Variants in GDA observed in about 807,000 individuals in gnomAD.
GDA encodes the protein guanine deaminase.
A neutral mutation model predicts 59.6 loss-of-function variants in GDA; 18 were observed. The ratio of observed to expected loss-of-function variants is 0.30; its 90% CI spans 0.21 to 0.45. GDA has a LOEUF of 0.45. Among genes scored for constraint, GDA ranks in the 20% least tolerant of loss-of-function variants. The pLI is 1.00. For synonymous variants in GDA, 201 were observed against 201.1 expected (o/e 1.00, Z 0.00); for missense variants, 427 against 552.3 (o/e 0.77, Z 2.27).
At chr9:72,219,576 T>A in intron 6 of GDA, 70 bp downstream of exon 6, 1 of 1,110,314 alleles carries the variant, frequency 9.0e-7, no homozygotes, top group South Asian at 1.3e-5. Context: ...TAAAGTTGCT[T>A]GATAGTGATT....
chr9:72,179,633 G>A (rs1054004774), intron 1 of GDA, among the ~76,000 whole-genome samples: 7 of 152,204 alleles, frequency 4.6e-5, no homozygotes, highest in Non-Finnish European at 8.8e-5. Flanking sequence ...TATAGGGTCT[G>A]TGCTGGTTTC....
chr9:72,168,297 G>A (rs576468793), intron 1 of GDA, among the ~76,000 whole-genome samples: 2 of 152,146 alleles, frequency 1.3e-5, no homozygotes, highest in South Asian at 4.2e-4. Flanking sequence ...CTACGCAGGA[G>A]GCTTAGGTAG....
rs189405464 is a variant in GDA, at chr9:72,182,269, C to A, written c.124-13231C>A. On this transcript the variant is annotated intron_variant, in intron 1 of 13. Coordinates refer to ENST00000358399, the MANE Select transcript of GDA (RefSeq NM_004293.5). ...TTCCCCTCCTCTTATTCAGAATCCA[C>A]TCCAGAACCACAGGCTCCATTTATG... Among the ~76,000 whole-genome samples, 320 of 152,334 alleles carry A rather than the reference C, an allele frequency of 2.1e-3. 2 individuals carry two copies. Among genetic ancestry groups the A allele is most frequent in the Non-Finnish European group, 3.9e-3 (267 of 68,028 alleles).
At chr9:72,193,975 G>A (rs1348011623) in intron 1 of GDA, 1 of 152,278 alleles carries the variant, frequency 6.6e-6, no homozygotes, top group Non-Finnish European at 1.5e-5. Context: ...TTCCCTTAAA[G>A]CCCAAGGATT....
intron 1 of GDA, among the ~76,000 whole-genome samples, chr9:72,134,400 CA>C (rs1826145051): frequency 1.1e-5 from 1 of 92,890 alleles, no homozygotes; most frequent in Non-Finnish European, 2.9e-5. Context: ...CCTCCCCCGC[CA>C]ACTTTTTTTT....
intron 11 of GDA, among the ~76,000 whole-genome samples, chr9:72,241,561 T>C (rs184712282): frequency 2.7e-3 from 414 of 152,282 alleles, no homozygotes; most frequent in African/African-American, 9.3e-3. Flanking sequence ...ATTACATTGG[T>C]TACATGGATA....
intron 1 of GDA, among the ~76,000 whole-genome samples, chr9:72,191,161 TA>T (rs570903526): frequency 6.0e-4 from 91 of 152,324 alleles, no homozygotes; most frequent in African/African-American, 2.0e-3. Context: ...TATTGACAGT[TA>T]AAGACCACAA....
chr9:72,183,353 G>C (rs1460890219), intron 1 of GDA, among the ~76,000 whole-genome samples: 1 of 152,028 alleles, frequency 6.6e-6, no homozygotes, highest in Non-Finnish European at 1.5e-5. Flanking sequence ...TCCAACCCCA[G>C]TTCCCCTGAC....
At chr9:72,255,989 A>T (rs562659644), downstream of GDA, among the ~76,000 whole-genome samples, 1 of 152,174 alleles carries the variant, frequency 6.6e-6, no homozygotes, top group East Asian at 1.9e-4. Context: ...ATAAAAACTC[A>T]TTTAATGTTG....
chr9:72,220,770 A>G (rs564957199), intron 6 of GDA, among the ~76,000 whole-genome samples: 1 of 152,270 alleles, frequency 6.6e-6, no homozygotes, highest in Admixed American at 6.5e-5. Flanking sequence ...TCTGTAACAC[A>G]GGCAGTGTCT....
At chr9:72,150,010 A>G (rs1395085921) in intron 1 of GDA, among the ~76,000 whole-genome samples, 1 of 152,012 alleles carries the variant, frequency 6.6e-6, no homozygotes, top group Non-Finnish European at 1.5e-5. Flanking sequence ...GATACCGGCA[A>G]TAATCTTCAA....
chr9:72,170,478 C>G (rs747783543), intron 1 of GDA, among the ~76,000 whole-genome samples: 1 of 152,148 alleles, frequency 6.6e-6, no homozygotes, highest in Non-Finnish European at 1.5e-5. Flanking sequence ...AAGCCGGGAT[C>G]GCTGAGCTAT....
At chr9:72,247,224 A>AT (rs1378622660) in intron 12 of GDA, among the ~76,000 whole-genome samples, 182 bp from the exon 13 acceptor site, 1 of 152,232 alleles carries the variant, frequency 6.6e-6, no homozygotes, top group East Asian at 1.9e-4. Context: ...CCAGTGGGTT[A>AT]TTTTTTGTTC....
chr9:72,196,526 G>A (rs1027004594), intron 2 of GDA, among the ~76,000 whole-genome samples: 3 of 150,258 alleles, frequency 2.0e-5, no homozygotes, highest in Admixed American at 2.0e-4. Context: ...TAGCCTGGTT[G>A]ATATGCTTTA....
chr9:72,167,852 C>T (rs900926245), intron 1 of GDA, among the ~76,000 whole-genome samples: 1 of 152,164 alleles, frequency 6.6e-6, no homozygotes, highest in African/African-American at 2.4e-5. Flanking sequence ...GAAAAACAAT[C>T]AAAGCTTAGC....
rs895029962 is a variant in GDA at position 72,134,567 on chromosome 9, A to AT, written c.-100+19743dup. On this transcript the variant is annotated intron_variant, in intron 1 of 13. Transcript: ENST00000545168. ...CAGGCGCCCACCACCATGCCCAGCT[A>AT]TTTTTTTTTATTTTTAGTAGAGATT... Among the ~76,000 whole-genome samples the AT allele has an allele frequency of 3.4e-3, 511 of 150,764 alleles. 3 individuals carry two copies. Among genetic ancestry groups the AT allele is most frequent in the African/African-American group, 0.012 (486 of 41,098 alleles).
chr9:72,247,620 A>G (rs1321712455), intron 13 of GDA, among the ~76,000 whole-genome samples, 187 bp downstream of exon 13: 1 of 152,136 alleles, frequency 6.6e-6, no homozygotes, highest in Non-Finnish European at 1.5e-5. Flanking sequence ...TAAAGGTTCT[A>G]TTTGAAATGC....
At chr9:72,188,132 T>C (rs983728218) in intron 1 of GDA, among the ~76,000 whole-genome samples, 2 of 152,170 alleles carry the variant, frequency 1.3e-5, no homozygotes, top group East Asian at 3.8e-4. Flanking sequence ...TTTGGAAAAT[T>C]TGCAGCCTGG....
rs536153807 is a variant in GDA at position 72,122,875 on chromosome 9, G to A, written c.-100+8042G>A. On this transcript the variant is annotated intron_variant, in intron 1 of 13. Coordinates refer to the GDA transcript ENST00000545168. The stretch of plus-strand genomic sequence containing the variant: ...CTGCTCCAAGGATAAGCTCTGCCCA[G>A]CAGGTGGGAGTGGGGAGAAGAATCC... Among the ~76,000 whole-genome samples the A allele has an allele frequency of 6.6e-5, 10 of 152,252 alleles. No homozygotes were observed. The South Asian group carries it at 2.1e-3, about 32-fold the overall frequency.
Sources: gnomAD v4.1 joint callset for allele counts (sites outside exome capture counted in the v4.1 genomes callset) on GRCh38, gnomAD v4.1.1 for gene constraint, MANE v1.5 for transcripts, NCBI Gene and HGNC (gene_info 2026-07-23, HGNC 2026-07-21) for gene names.